FSTL4: variants seen among roughly 807,000 people sequenced by gnomAD.
FSTL4 encodes follistatin-related protein 4.
In FSTL4, 28 loss-of-function variants were observed where a neutral mutation model predicts 78.2. That is an observed-to-expected ratio of 0.36 (90% CI 0.27 to 0.49). The LOEUF (loss-of-function observed/expected upper bound fraction) is 0.49. Among genes scored for constraint, FSTL4 ranks in the 20% least tolerant of loss-of-function variants. FSTL4 has a pLI of 0.98. For synonymous variants in FSTL4, 422 were observed against 440.5 expected, an observed-to-expected ratio of 0.96 and a Z score of 0.53; for missense variants, 922 against 1,084.9, an observed-to-expected ratio of 0.85 and a Z score of 2.11.
the FSTL4 span, among the ~76,000 whole-genome samples, chr5:133,669,965 T>C: frequency 6.6e-6 from 1 of 152,248 alleles, no homozygotes; most frequent in Non-Finnish European, 1.5e-5. Context: ...ACTAGATGCA[T>C]GAGATGTGAG....
chr5:133,790,474 C>T, the FSTL4 span, among the ~76,000 whole-genome samples: 15 of 152,252 alleles, frequency 9.9e-5, no homozygotes, highest in African/African-American at 3.6e-4. Context: ...TGTCATTATG[C>T]TCTCTCAACA....
At chr5:133,369,858 G>A (rs1349344943) in intron 4 of FSTL4, among the ~76,000 whole-genome samples, 1 of 152,204 alleles carries the variant, frequency 6.6e-6, no homozygotes, top group East Asian at 1.9e-4. Context: ...TAGTCTCAGA[G>A]CTGAGGAATC....
intron 3 of FSTL4, among the ~76,000 whole-genome samples, chr5:133,527,486 C>T (rs1243720284): frequency 6.6e-6 from 1 of 151,700 alleles, no homozygotes; most frequent in Non-Finnish European, 1.5e-5. Flanking sequence ...CACACACACA[C>T]ACACACACAC....
At chr5:133,492,990 T>A (rs1758297735) in intron 3 of FSTL4, among the ~76,000 whole-genome samples, 2 of 152,264 alleles carry the variant, frequency 1.3e-5, no homozygotes, top group Middle Eastern at 3.4e-3. Flanking sequence ...AATATGTTTT[T>A]AAATCATTTA....
chr5:133,349,892 C>T, intron 4 of FSTL4, among the ~76,000 whole-genome samples: 1 of 143,466 alleles, frequency 7.0e-6, no homozygotes, highest in Middle Eastern at 4.1e-3. Flanking sequence ...TGTAAAGGTC[C>T]CATAGGATGG....
At chr5:133,754,385 C>T in the FSTL4 span, among the ~76,000 whole-genome samples, 1 of 152,036 alleles carries the variant, frequency 6.6e-6, no homozygotes, top group South Asian at 2.1e-4. Flanking sequence ...ATCAAAATGT[C>T]CTAATAAAAT....
At chr5:133,218,339 G>T (rs1750981992) in intron 12 of FSTL4, among the ~76,000 whole-genome samples, 2 of 152,212 alleles carry the variant, frequency 1.3e-5, no homozygotes, top group South Asian at 2.1e-4. Flanking sequence ...CACACTACCT[G>T]CCACTTAGGT....
chr5:133,653,288 TTC>T, the FSTL4 span, among the ~76,000 whole-genome samples: 3 of 152,296 alleles, frequency 2.0e-5, no homozygotes, highest in East Asian at 5.8e-4. Flanking sequence ...ATGTATGTAG[TTC>T]ACATAGCGTT....
At chr5:133,243,476 G>T (rs1397699105) in intron 7 of FSTL4, among the ~76,000 whole-genome samples, 1 of 152,200 alleles carries the variant, frequency 6.6e-6, no homozygotes, top group Non-Finnish European at 1.5e-5. Flanking sequence ...CACACACAGG[G>T]ACCCATATCC....
rs559017395 is a variant in FSTL4 at position 133,249,661 on chromosome 5, G to A, written c.728-85C>T. The A allele has an allele frequency of 3.0e-4, 322 of 1,060,444 alleles. 3 individuals carry two copies. In the South Asian group the frequency reaches 4.6e-3, roughly 15 times the overall value. The allele number at this position is 1,060,444 out of a possible 1,614,324, so 65.7% of individuals were successfully genotyped here. Reference sequence around the variant, plus strand: ...CAAGGTGAATAGCCATGAATTTCCTGGGTGGAAGAGGCCCAGAAGGGCTTC... The same window carrying A: ...CAAGGTGAATAGCCATGAATTTCCTAGGTGGAAGAGGCCCAGAAGGGCTTC... On this transcript the variant is annotated intron_variant, in intron 6 of 15. Transcript: ENST00000265342.
the FSTL4 span, among the ~76,000 whole-genome samples, chr5:133,774,668 A>G: frequency 6.6e-6 from 1 of 152,210 alleles, no homozygotes; most frequent in African/African-American, 2.4e-5. Flanking sequence ...TTGCTTTCAC[A>G]TGGCCGGGAT....
the FSTL4 span, among the ~76,000 whole-genome samples, chr5:133,806,981 G>A: frequency 6.6e-6 from 1 of 152,072 alleles, no homozygotes; most frequent in South Asian, 2.1e-4. Flanking sequence ...GATGCTCCAG[G>A]GAACATTTCA....
chr5:133,323,084 C>T (rs1298478632), intron 4 of FSTL4, among the ~76,000 whole-genome samples: 1 of 152,164 alleles, frequency 6.6e-6, no homozygotes, highest in Non-Finnish European at 1.5e-5. Flanking sequence ...ACAACCTTGT[C>T]TAAGGTCTTC....
the FSTL4 span, among the ~76,000 whole-genome samples, chr5:133,766,183 G>A: frequency 6.6e-6 from 1 of 152,160 alleles, no homozygotes; most frequent in African/African-American, 2.4e-5. Flanking sequence ...TCAACCCATG[G>A]TCTGTTTTTG....
the FSTL4 span, among the ~76,000 whole-genome samples, chr5:133,807,317 G>A: frequency 2.6e-5 from 4 of 152,180 alleles, no homozygotes; most frequent in African/African-American, 9.7e-5. Context: ...ACCTCACCCA[G>A]TGCTATATAG....
the FSTL4 span, among the ~76,000 whole-genome samples, chr5:133,712,849 A>C: frequency 2.0e-5 from 3 of 152,190 alleles, no homozygotes; most frequent in Non-Finnish European, 4.4e-5. Context: ...GGGAGAGTGA[A>C]TGGCCGCCCA....
At chr5:133,831,495 A>G in the FSTL4 span, among the ~76,000 whole-genome samples, 2 of 152,242 alleles carry the variant, frequency 1.3e-5, no homozygotes, top group Non-Finnish European at 2.9e-5. Flanking sequence ...TAATGGCGTT[A>G]TTAATACCAT....
At position 133,406,179 on chromosome 5, in the gene FSTL4, C is replaced by T. The variant is rs372714255; in HGVS notation, c.161-5193G>A. 3.0e-4 allele frequency among the ~76,000 whole-genome samples: 45 copies of T among 152,330 alleles called. 1 individual carries two copies. Among genetic ancestry groups the T allele is most frequent in the Middle Eastern group, 6.8e-3 (2 of 292 alleles). The stretch of plus-strand genomic sequence containing the variant: ...AGGTGAGATTAGACCTGAGACCTGA[C>T]GGTGAAGATGGCAGAGACCTGGGGG... On this transcript the variant is annotated intron_variant, in intron 3 of 15. Transcript: ENST00000265342.
At position 133,236,544 on chromosome 5, in the gene FSTL4, G is replaced by A. The variant is rs1028215523; in HGVS notation, c.895-3007C>T. Among the ~76,000 whole-genome samples, 9 of 152,238 alleles carry A rather than the reference G, an allele frequency of 5.9e-5. No individual in the cohort carries two copies. Among genetic ancestry groups the A allele is most frequent in the African/African-American group, 1.9e-4 (8 of 41,554 alleles). ...GGGGTCTTCTCTCACCACCTCCATC[G>A]CTCCTGCTCTGGCCAGCTGCCACCT... On this transcript the variant is annotated intron_variant, in intron 7 of 15. Coordinates refer to ENST00000265342, the MANE Select transcript of FSTL4 (RefSeq NM_015082.2). This position sits in a 1 kb window ranked among gnomAD's most constrained non-coding sequence, Gnocchi z 5.0.
Sources: allele counts gnomAD v4.1 joint callset (sites outside exome capture counted in the v4.1 genomes callset), GRCh38; gene constraint gnomAD v4.1.1; non-coding constraint Gnocchi (gnomAD v3.1); transcripts MANE v1.5; gene names NCBI Gene and HGNC (gene_info 2026-07-23, HGNC 2026-07-21).